PLXNA2: variants seen among roughly 807,000 people sequenced by gnomAD.
PLXNA2 encodes plexin-A2.
PLXNA2 carries 91 observed loss-of-function variants against 193.5 expected under a neutral mutation model. The ratio of observed to expected loss-of-function variants is 0.47; its 90% confidence interval spans 0.40 to 0.56. PLXNA2 has a LOEUF of 0.56. Among genes scored for constraint, PLXNA2 ranks in the 20% least tolerant of loss-of-function variants. The pLI, the probability that PLXNA2 is intolerant of heterozygous loss-of-function variation, is 0.00. For missense variants in PLXNA2, 1,995 were observed against 2,503.2 expected (o/e 0.80, Z 4.33); for synonymous variants, 997 against 1,027.3 (o/e 0.97, Z 0.56).
chr1:208,030,682 G>C (rs542227438), intron 29 of PLXNA2: 2 of 985,408 alleles, frequency 2.0e-6, no homozygotes, highest in African/African-American at 3.5e-5. Flanking sequence ...TAACAGCCTG[G>C]GCCCATCTGT....
At chr1:208,198,665 C>A (rs1431609403) in intron 3 of PLXNA2, among the ~76,000 whole-genome samples, 1 of 152,210 alleles carries the variant, frequency 6.6e-6, no homozygotes, top group African/African-American at 2.4e-5. Flanking sequence ...TCCAGGGCAC[C>A]TTCACTCAAA....
chr1:208,052,325 A>G lies in PLXNA2; in HGVS notation c.2993+2T>C. 6.2e-7 allele frequency: 1 copy of G among 1,612,224 alleles called. No individual in the cohort carries two copies. The highest frequency in any genetic ancestry group is 8.5e-7 in the Non-Finnish European group (1 of 1,179,958). On this transcript the variant is annotated splice_donor_variant, in intron 15 of 31. Coordinates refer to ENST00000367033, the MANE Select transcript of PLXNA2 (RefSeq NM_025179.4). LOFTEE classifies it high-confidence loss of function. The stretch of plus-strand genomic sequence containing the variant: ...TCTGGTGGCCCTTCAAGTTTATCTC[A>G]CCCGTAGAACTCGCAGGTCTGGTTG...
chr1:208,215,321 C>T (rs1671090651), intron 2 of PLXNA2, among the ~76,000 whole-genome samples: 1 of 152,084 alleles, frequency 6.6e-6, no homozygotes, highest in South Asian at 2.1e-4. Flanking sequence ...TGTTTGCAAC[C>T]CCAGTGCCTA....
At chr1:208,057,092 A>G (rs1391432397) in intron 13 of PLXNA2, among the ~76,000 whole-genome samples, 2 of 152,184 alleles carry the variant, frequency 1.3e-5, no homozygotes, top group Non-Finnish European at 2.9e-5. Flanking sequence ...TATATTGAGG[A>G]AGGAGTATTA....
At chr1:208,179,551 A>G (rs1026467888) in intron 3 of PLXNA2, among the ~76,000 whole-genome samples, 6 of 152,154 alleles carry the variant, frequency 3.9e-5, no homozygotes, top group Non-Finnish European at 5.9e-5. Context: ...CCCTTGGTTC[A>G]CAGACTACAC....
chr1:208,219,548 A>T (rs1458214099), intron 1 of PLXNA2, among the ~76,000 whole-genome samples: 1 of 152,224 alleles, frequency 6.6e-6, no homozygotes, highest in Non-Finnish European at 1.5e-5. Context: ...AGTTTGCTCC[A>T]AGGCAGCTTA....
chr1:208,051,337 G>C lies in PLXNA2; in HGVS notation c.3080C>G (p.Ala1027Gly). 6.2e-7 allele frequency: 1 copy of C among 1,613,654 alleles called. No homozygotes were observed. Among genetic ancestry groups the C allele is most frequent in the South Asian group, 1.1e-5 (1 of 90,954 alleles). ...AAACTGCAGGTTGCTATCCACATGG[G>C]CTCGGTCGACACTCACAGAAACAGG... ...PVPVSVSVDR[A>G]HVDSNLQFEY... Residue 1027 changes from alanine to glycine, a missense_variant, in exon 16 of 32, where the codon GCC (alanine) becomes GGC (glycine). Physicochemically the swap from Ala to Gly is moderately conservative, Grantham distance 60 (BLOSUM62 0). Coordinates refer to ENST00000367033, the MANE Select transcript of PLXNA2 (RefSeq NM_025179.4).
In PLXNA2 at chr1:208,217,558, G is replaced by A. The variant is rs142871447; in HGVS notation, c.365C>T (p.Ser122Phe). The change falls in exon 2 of 32, where the codon TCT becomes TTT. Residue 122 changes from serine to phenylalanine, a missense_variant. Coordinates refer to ENST00000367033, the MANE Select transcript of PLXNA2 (RefSeq NM_025179.4). The surrounding 1 kb of genome is among the most constrained non-coding windows in gnomAD (Gnocchi z 4.7). ...NVNKLLIIDY[S>F]ENRLLACGSL... ...CCCACAGGCCAGCAGGCGGTTCTCA[G>A]AGTAGTCAATGATGAGCAGCTTGTT... 2 of 1,614,102 alleles carry A rather than the reference G, an allele frequency of 1.2e-6. No homozygotes were observed. Among genetic ancestry groups the A allele is most frequent in the African/African-American group, 1.3e-5 (1 of 74,936 alleles).
At chr1:208,107,014 G>A (rs1667290742) in intron 4 of PLXNA2, among the ~76,000 whole-genome samples, 1 of 152,230 alleles carries the variant, frequency 6.6e-6, no homozygotes, top group Non-Finnish European at 1.5e-5. Flanking sequence ...GGGTGACCAT[G>A]GGAAGAACTG....
chr1:208,155,844 A>G (rs1668923405), intron 3 of PLXNA2, among the ~76,000 whole-genome samples: 1 of 151,640 alleles, frequency 6.6e-6, no homozygotes, highest in Non-Finnish European at 1.5e-5. Context: ...TCCCATCTTC[A>G]CCCCCTCTTG....
At position 208,183,825 on chromosome 1, in the gene PLXNA2, C is replaced by G. The variant is rs1233954839; in HGVS notation, c.1371+26455G>C. Among the ~76,000 whole-genome samples the G allele has an allele frequency of 2.0e-5, 3 of 152,148 alleles. No individual in the cohort carries two copies. In the East Asian group the frequency reaches 5.8e-4, roughly 29 times the overall value. On this transcript the variant is annotated intron_variant, in intron 3 of 31. Transcript: ENST00000367033. ...CTGGGACTGAGAGTTGGAGACTTTT[C>G]CTTTAGGCTTTCATGGTACCCTAGA...
At chr1:208,172,929 G>T (rs749533382) in intron 3 of PLXNA2, among the ~76,000 whole-genome samples, 43 of 152,194 alleles carry the variant, frequency 2.8e-4, no homozygotes, top group Non-Finnish European at 5.3e-4. Context: ...AAAGAGCCCA[G>T]GCCTGAGAGG....
intron 12 of PLXNA2, among the ~76,000 whole-genome samples, chr1:208,077,984 G>A (rs920653406): frequency 9.2e-5 from 14 of 152,010 alleles, no homozygotes; most frequent in Admixed American, 2.6e-4. Flanking sequence ...TGAAAGGTCC[G>A]GATATGAAGG....
At chr1:208,198,213 A>G (rs1336715981) in intron 3 of PLXNA2, among the ~76,000 whole-genome samples, 1 of 152,202 alleles carries the variant, frequency 6.6e-6, no homozygotes, top group African/African-American at 2.4e-5. Flanking sequence ...GTCGGCTGTT[A>G]ACTATTGCCT....
chr1:208,042,502 C>A (rs964151742), intron 21 of PLXNA2, 136 bp from the exon 22 acceptor site: 6 of 815,002 alleles, frequency 7.4e-6, no homozygotes, highest in African/African-American at 6.9e-5. Flanking sequence ...CCAACCCCAC[C>A]CCATTCCACT....
chr1:208,198,753 C>A (rs1353049412), intron 3 of PLXNA2, among the ~76,000 whole-genome samples: 1 of 152,188 alleles, frequency 6.6e-6, no homozygotes, highest in African/African-American at 2.4e-5. Flanking sequence ...TGGTAGTCTA[C>A]ACGTGGACAT....
chr1:208,113,575 G>A (rs1310587046), intron 4 of PLXNA2, among the ~76,000 whole-genome samples: 5 of 125,992 alleles, frequency 4.0e-5, no homozygotes, highest in East Asian at 2.3e-4. Context: ...TTTGAGATGC[G>A]GTCTTGCTCT....
At position 208,045,859 on chromosome 1, in the gene PLXNA2, C is replaced by T. The variant is rs1219293223; in HGVS notation, c.3495+19G>A. On this transcript the variant is annotated intron_variant, in intron 18 of 31. Transcript: ENST00000367033. Reference sequence around the variant, plus strand: ...CATTGCTGCCCCTGGTGGCACTGCCCTCTGGCGGGCACTCCTACCTTCAGA... The same window carrying T: ...CATTGCTGCCCCTGGTGGCACTGCCTTCTGGCGGGCACTCCTACCTTCAGA... 2 of 1,613,620 alleles carry T rather than the reference C, an allele frequency of 1.2e-6. No homozygotes were observed. The highest frequency in any genetic ancestry group is 1.1e-5 in the South Asian group (1 of 91,072).
At chr1:208,153,290 G>A (rs1188228735) in intron 3 of PLXNA2, among the ~76,000 whole-genome samples, 3 of 152,124 alleles carry the variant, frequency 2.0e-5, no homozygotes, top group African/African-American at 7.2e-5. Flanking sequence ...TATCCCTAAG[G>A]CTGAGATGAG....
Sources: gnomAD v4.1 joint callset for allele counts (sites outside exome capture counted in the v4.1 genomes callset) on GRCh38, gnomAD v4.1.1 for gene constraint, Gnocchi (gnomAD v3.1) non-coding constraint, MANE v1.5 for transcripts, NCBI Gene and HGNC (gene_info 2026-07-23, HGNC 2026-07-21) for gene names.